The following AFF1 variants were observed in gnomAD, a reference collection of about 807,000 sequenced individuals.
AFF1 encodes ALF transcription elongation factor 1.
AFF1 carries 48 observed loss-of-function variants against 121.7 expected under a neutral mutation model. The ratio of observed to expected loss-of-function variants is 0.39; its 90% CI spans 0.31 to 0.50. The LOEUF is 0.50. Ranked by LOEUF, AFF1 falls within the 20% of genes least tolerant of loss-of-function variation. The pLI is 0.76. For synonymous variants in AFF1, 613 were observed against 563.0 expected (o/e 1.09, Z -1.26); for missense variants, 1,523 against 1,511.7 (o/e 1.01, Z -0.12).
intron 12 of AFF1, among the ~76,000 whole-genome samples, chr4:87,122,059 A>G (rs986853520): frequency 1.3e-5 from 2 of 152,220 alleles, no homozygotes; most frequent in Non-Finnish European, 1.5e-5. Flanking sequence ...TGGGGGCCTT[A>G]ATGTGTCATT....
At chr4:87,124,122 A>G (rs1253330010) in intron 12 of AFF1, among the ~76,000 whole-genome samples, 1 of 152,258 alleles carries the variant, frequency 6.6e-6, no homozygotes, top group African/African-American at 2.4e-5. Flanking sequence ...ACAAGAATGC[A>G]AGAAAGACTT....
chr4:86,979,350 C>T (rs749107134), intron 2 of AFF1, among the ~76,000 whole-genome samples: 1 of 152,140 alleles, frequency 6.6e-6, no homozygotes. Context: ...CCTCCCGCCT[C>T]GGCCTCCCAA....
At chr4:87,039,634 A>G (rs537656462) in intron 2 of AFF1, among the ~76,000 whole-genome samples, 26 of 152,344 alleles carry the variant, frequency 1.7e-4, no homozygotes, top group African/African-American at 5.8e-4. Flanking sequence ...TCACTTAACT[A>G]AAATACAAAT....
chr4:87,084,544 T>C (rs1279159689), intron 5 of AFF1, among the ~76,000 whole-genome samples: 1 of 142,256 alleles, frequency 7.0e-6, no homozygotes, highest in African/African-American at 2.7e-5. Context: ...GTTGAAACTA[T>C]GTCTCCAATA....
chr4:87,004,216 AAC>A (rs2149524369), intron 2 of AFF1, among the ~76,000 whole-genome samples: 1 of 152,322 alleles, frequency 6.6e-6, no homozygotes, highest in East Asian at 1.9e-4. Context: ...TGTAATATAT[AAC>A]ACCTTTAATT....
chr4:87,132,823 T>C (rs991505430), intron 19 of AFF1, among the ~76,000 whole-genome samples: 1 of 152,230 alleles, frequency 6.6e-6, no homozygotes, highest in African/African-American at 2.4e-5. Context: ...CCCGAGTAGC[T>C]GGGATTACAG....
intron 4 of AFF1, among the ~76,000 whole-genome samples, chr4:87,075,875 G>T (rs896256665): frequency 6.6e-6 from 1 of 152,126 alleles, no homozygotes; most frequent in African/African-American, 2.4e-5. Flanking sequence ...TTACTTTTTG[G>T]TTATCTTATG....
At chr4:87,032,644 C>T (rs1729188202) in intron 2 of AFF1, among the ~76,000 whole-genome samples, 1 of 152,188 alleles carries the variant, frequency 6.6e-6, no homozygotes, top group Admixed American at 6.5e-5. Context: ...AATGTGTCCA[C>T]AGCAGCCTGT....
intron 2 of AFF1, among the ~76,000 whole-genome samples, chr4:86,984,391 A>T (rs1304801034): frequency 6.8e-6 from 1 of 146,888 alleles, no homozygotes; most frequent in East Asian, 2.0e-4. Flanking sequence ...GCAGTGGTGC[A>T]ATCTCAGCTC....
intron 10 of AFF1, among the ~76,000 whole-genome samples, chr4:87,106,529 T>A (rs1388673541): frequency 1.3e-5 from 2 of 152,242 alleles, no homozygotes; most frequent in Non-Finnish European, 2.9e-5. Flanking sequence ...TTTCCAGAAC[T>A]TCTTTTCCAT....
At chr4:87,023,022 C>T (rs576901076) in intron 2 of AFF1, among the ~76,000 whole-genome samples, 1 of 151,914 alleles carries the variant, frequency 6.6e-6, no homozygotes, top group South Asian at 2.1e-4. Context: ...CTTGCCTCAC[C>T]CTCCCGAGTA....
At chr4:86,944,360 T>G (rs147482715) in intron 1 of AFF1, among the ~76,000 whole-genome samples, 1,482 of 112,434 alleles carry the variant, frequency 0.013, 16 homozygotes, top group Non-Finnish European at 0.022. Flanking sequence ...TTAAGAAGAA[T>G]AATTTTCTGG....
intron 8 of AFF1, among the ~76,000 whole-genome samples, chr4:87,104,980 A>T (rs930193427): frequency 2.6e-5 from 4 of 152,174 alleles, no homozygotes; most frequent in African/African-American, 9.7e-5. Flanking sequence ...AAAGAGAATA[A>T]TTTATTGTCA....
At chr4:87,044,982 T>C (rs993908375) in intron 2 of AFF1, among the ~76,000 whole-genome samples, 1 of 152,212 alleles carries the variant, frequency 6.6e-6, no homozygotes, top group Non-Finnish European at 1.5e-5. Context: ...TTTTAAAATA[T>C]GGATTGTGAC....
chr4:87,080,268 G>A (rs1376237905), intron 4 of AFF1, among the ~76,000 whole-genome samples: 2 of 152,202 alleles, frequency 1.3e-5, no homozygotes, highest in African/African-American at 2.4e-5. Flanking sequence ...TACCATTGAG[G>A]AAAGAGCTAG....
intron 4 of AFF1, among the ~76,000 whole-genome samples, chr4:87,060,866 A>AAAAAAC (rs1560586054): frequency 3.9e-4 from 19 of 48,510 alleles, no homozygotes; most frequent in South Asian, 7.0e-4. Context: ...AAAAAAAAAA[A>AAAAAAC]ACACAAAAAA....
At chr4:87,100,401 C>G (rs147733993) in intron 8 of AFF1, among the ~76,000 whole-genome samples, 14 of 152,260 alleles carry the variant, frequency 9.2e-5, no homozygotes, top group Non-Finnish European at 8.8e-5. Context: ...CCTCCCTGCT[C>G]TTTTTGGTGT....
chr4:87,093,194 C>G (rs2045592), intron 7 of AFF1, among the ~76,000 whole-genome samples: 49,216 of 152,022 alleles, frequency 0.32, 8,522 homozygotes, highest in South Asian at 0.47. Flanking sequence ...CCTTGTTACT[C>G]TGATGAGAAA....
At chr4:87,060,134 TTAAG>T (rs1019858326) in intron 4 of AFF1, among the ~76,000 whole-genome samples, 1 of 152,208 alleles carries the variant, frequency 6.6e-6, no homozygotes, top group African/African-American at 2.4e-5. Context: ...TACCTAAGTA[TTAAG>T]TAATTTTTGG....
Sources: allele counts gnomAD v4.1 joint callset (sites outside exome capture counted in the v4.1 genomes callset), GRCh38; gene constraint gnomAD v4.1.1; transcripts MANE v1.5; gene names NCBI Gene and HGNC (gene_info 2026-07-23, HGNC 2026-07-21).